Variants in SLC25A21 observed in about 807,000 individuals in gnomAD.
SLC25A21 encodes solute carrier family 25 member 21.
Under a neutral mutation model 43.8 loss-of-function variants are expected in SLC25A21, and 47 were observed. That is an observed-to-expected ratio of 1.07 (90% CI 0.85 to 1.37). The LOEUF is 1.37. SLC25A21 is among the 40% of genes most tolerant of loss of function. SLC25A21 has a pLI of 0.00. For missense variants in SLC25A21, 352 were observed against 350.2 expected (o/e 1.00, Z -0.04); for synonymous variants, 131 against 121.3 (o/e 1.08, Z -0.52).
intron 1 of SLC25A21, among the ~76,000 whole-genome samples, chr14:36,891,966 A>G (rs1353029138): frequency 6.6e-6 from 1 of 152,192 alleles, no homozygotes; most frequent in Non-Finnish European, 1.5e-5. Flanking sequence ...TGAAAGAGAA[A>G]TAAGCTTGTT....
chr14:36,951,748 C>G (rs959949518), intron 1 of SLC25A21, among the ~76,000 whole-genome samples: 1 of 152,144 alleles, frequency 6.6e-6, no homozygotes, highest in Admixed American at 6.5e-5. Flanking sequence ...AGAATCAATT[C>G]AGAGCTTCTA....
At chr14:37,115,090 A>G (rs532274090) in intron 1 of SLC25A21, among the ~76,000 whole-genome samples, 1 of 152,296 alleles carries the variant, frequency 6.6e-6, no homozygotes, top group South Asian at 2.1e-4. Context: ...TTTGGCTAAT[A>G]TATGTACCAT....
chr14:37,006,749 CT>C (rs1287727110), intron 1 of SLC25A21, among the ~76,000 whole-genome samples: 1 of 151,916 alleles, frequency 6.6e-6, no homozygotes, highest in Non-Finnish European at 1.5e-5. Flanking sequence ...GGTAGTTACC[CT>C]TTTAAAAAAA....
At chr14:37,163,979 G>A (rs10130470) in intron 1 of SLC25A21, among the ~76,000 whole-genome samples, 1,874 of 152,170 alleles carry the variant, frequency 0.012, 38 homozygotes, top group African/African-American at 0.043. Context: ...TGAAACACCT[G>A]GTTCTCAATA....
chr14:37,054,704 G>A (rs1028809558), intron 1 of SLC25A21, among the ~76,000 whole-genome samples: 2 of 124,914 alleles, frequency 1.6e-5, no homozygotes, highest in African/African-American at 8.4e-5. Context: ...CAGTAATTTG[G>A]AAAATAGAAC....
At chr14:36,734,332 A>T (rs1884945875) in intron 4 of SLC25A21, among the ~76,000 whole-genome samples, 175 bp downstream of exon 4, 1 of 152,188 alleles carries the variant, frequency 6.6e-6, no homozygotes, top group South Asian at 2.1e-4. Context: ...CTACAAATTG[A>T]TCTACATATT....
At chr14:36,789,097 C>G (rs984432921) in intron 3 of SLC25A21, among the ~76,000 whole-genome samples, 1 of 152,186 alleles carries the variant, frequency 6.6e-6, no homozygotes, top group Non-Finnish European at 1.5e-5. Flanking sequence ...ACATTGTCCA[C>G]TTAATTTCAT....
chr14:36,797,746 C>A (rs191889507), intron 3 of SLC25A21, among the ~76,000 whole-genome samples: 5 of 152,240 alleles, frequency 3.3e-5, no homozygotes, highest in Admixed American at 3.3e-4. Flanking sequence ...GAAATCAACA[C>A]AAAAAGTTTT....
intron 1 of SLC25A21, among the ~76,000 whole-genome samples, chr14:37,084,484 C>A (rs968503128): frequency 6.6e-6 from 1 of 152,168 alleles, no homozygotes; most frequent in African/African-American, 2.4e-5. Context: ...CACTCTGCAC[C>A]AGCAATTTTA....
intron 1 of SLC25A21, 185 bp downstream of exon 1, chr14:37,172,096 A>T: frequency 1.6e-6 from 1 of 606,898 alleles, no homozygotes; most frequent in Non-Finnish European, 2.8e-6. Context: ...GGCACCCACT[A>T]CTCGCAATCA....
rs571799416 is a variant in SLC25A21, at chr14:36,812,398, T to C, written c.203+1520A>G. On this transcript the variant is annotated intron_variant, in intron 3 of 9. Coordinates refer to ENST00000331299, the MANE Select transcript of SLC25A21 (RefSeq NM_030631.4). ...AGAAAACATGCATATCATTTGATCC[T>C]GTAAGTCCATAGCTAGCAATGTACT... 2.5e-4 allele frequency among the ~76,000 whole-genome samples: 38 copies of C among 151,772 alleles called. 1 individual carries two copies. The East Asian group carries it at 7.3e-3, about 29-fold the overall frequency.
intron 1 of SLC25A21, among the ~76,000 whole-genome samples, chr14:36,973,066 T>C (rs1348215024): frequency 6.6e-6 from 1 of 151,636 alleles, no homozygotes; most frequent in Non-Finnish European, 1.5e-5. Flanking sequence ...TTAGTAGAAA[T>C]AGGGTCTTGC....
intron 1 of SLC25A21, among the ~76,000 whole-genome samples, chr14:37,126,659 C>G (rs1225620476): frequency 6.6e-6 from 1 of 152,018 alleles, no homozygotes; most frequent in Non-Finnish European, 1.5e-5. Context: ...CCACAAGTTA[C>G]TATGTTCAAT....
At position 36,792,312 on chromosome 14, in the gene SLC25A21, G is replaced by C. The variant is rs545153553; in HGVS notation, c.203+21606C>G. Reference sequence around the variant, plus strand: ...CTATCTGAAATCTTTATAAAAACTTGATCCTTTTGAAGGGACTTTAACAGA... The same window carrying C: ...CTATCTGAAATCTTTATAAAAACTTCATCCTTTTGAAGGGACTTTAACAGA... On this transcript the variant is annotated intron_variant, in intron 3 of 9. Coordinates refer to ENST00000331299, the MANE Select transcript of SLC25A21 (RefSeq NM_030631.4). Among the ~76,000 whole-genome samples the C allele has an allele frequency of 1.2e-4, 19 of 152,226 alleles. No homozygotes were observed. In the East Asian group the frequency reaches 3.7e-3, roughly 29 times the overall value.
chr14:36,924,340 G>A (rs1594696221), intron 1 of SLC25A21, among the ~76,000 whole-genome samples: 1 of 152,190 alleles, frequency 6.6e-6, no homozygotes, highest in South Asian at 2.1e-4. Context: ...GGAATACTAT[G>A]CAGCCATAAA....
At chr14:37,052,742 G>A (rs542081932) in intron 1 of SLC25A21, among the ~76,000 whole-genome samples, 4 of 152,054 alleles carry the variant, frequency 2.6e-5, no homozygotes, top group African/African-American at 7.2e-5. Context: ...AGGTTCAAGC[G>A]ATTCTTGTGC....
rs1433178988 is a variant in SLC25A21 at position 36,926,316 on chromosome 14, C to T, written c.71-51312G>A. On this transcript the variant is annotated intron_variant, in intron 1 of 9. Transcript: ENST00000331299. ...TCAGAAAATATTTTTAGCTGGATGA[C>T]AATGAAAACACAACATTATCAAAAT... 5.3e-5 allele frequency among the ~76,000 whole-genome samples: 8 copies of T among 151,936 alleles called. No individual in the cohort carries two copies. The East Asian group carries it at 9.6e-4, about 18-fold the overall frequency.
chr14:36,779,578 C>A (rs1479170171), intron 3 of SLC25A21, among the ~76,000 whole-genome samples: 2 of 133,934 alleles, frequency 1.5e-5, no homozygotes, highest in African/African-American at 5.3e-5. Context: ...ATTATCCAGT[C>A]TTTTAAAAGA....
At position 36,926,413 on chromosome 14, in the gene SLC25A21, T is replaced by C. The variant is rs139714430; in HGVS notation, c.71-51409A>G. Among the ~76,000 whole-genome samples the C allele has an allele frequency of 2.5e-3, 386 of 152,146 alleles. 1 individual carries two copies. The highest frequency in any genetic ancestry group is 8.5e-3 in the African/African-American group (353 of 41,516). On this transcript the variant is annotated intron_variant, in intron 1 of 9. Coordinates refer to ENST00000331299, the MANE Select transcript of SLC25A21 (RefSeq NM_030631.4). ...ATTAAGAATAAAAGAAAAAAAATGATACATTTAAACAAAGACATTTGAGAG... is the reference window on the plus strand; with the variant it reads ...ATTAAGAATAAAAGAAAAAAAATGACACATTTAAACAAAGACATTTGAGAG...
Sources: gnomAD v4.1 joint callset for allele counts (sites outside exome capture counted in the v4.1 genomes callset) on GRCh38, gnomAD v4.1.1 for gene constraint, MANE v1.5 for transcripts, NCBI Gene and HGNC (gene_info 2026-07-23, HGNC 2026-07-21) for gene names.